Variants in TBC1D8B observed in about 807,000 individuals in gnomAD.
TBC1D8B encodes the protein RP11-321G1.1.
TBC1D8B carries 75 observed loss-of-function variants against 82.9 expected under a neutral mutation model. The ratio of observed to expected loss-of-function variants is 0.90; its 90% CI spans 0.75 to 1.10. The LOEUF is 1.10. Ranked by LOEUF, TBC1D8B falls within the 50% of genes least tolerant of loss-of-function variation. The pLI, the probability that TBC1D8B is intolerant of heterozygous loss-of-function variation, is 0.00. For synonymous variants in TBC1D8B, 276 were observed against 276.8 expected (o/e 1.00, Z 0.03); for missense variants, 794 against 796.9 (o/e 1.00, Z 0.04).
intron 14 of TBC1D8B, among the ~76,000 whole-genome samples, chrX:106,861,078 G>T (rs1161785762): frequency 8.9e-6 from 1 of 111,929 alleles, no homozygotes; most frequent in Non-Finnish European, 1.9e-5. Context: ...TTATGCTATG[G>T]TCCAAAGAGT....
chrX:106,858,274 T>A (rs1932735998), intron 14 of TBC1D8B, among the ~76,000 whole-genome samples: 1 of 111,384 alleles, frequency 9.0e-6, no homozygotes, highest in Non-Finnish European at 1.9e-5. Context: ...TTGGGTTTTG[T>A]TTTTTGTTTT....
intron 14 of TBC1D8B, among the ~76,000 whole-genome samples, chrX:106,862,035 T>C (rs140260020): frequency 0.013 from 1,435 of 112,122 alleles, 23 homozygotes; most frequent in African/African-American, 0.045. Context: ...TTGGCTGGAG[T>C]TTCTTTTCTT....
At chrX:106,839,844 A>G (rs891234838) in intron 8 of TBC1D8B, among the ~76,000 whole-genome samples, 1 of 112,274 alleles carries the variant, frequency 8.9e-6, no homozygotes, top group East Asian at 2.8e-4. Context: ...AAAATAGTAA[A>G]TTAAGCTGCT....
intron 14 of TBC1D8B, among the ~76,000 whole-genome samples, chrX:106,865,057 A>C: frequency 9.0e-6 from 1 of 111,581 alleles, no homozygotes; most frequent in Non-Finnish European, 1.9e-5. Context: ...TAATGATTGT[A>C]TCATTAGTCC....
At chrX:106,828,887 C>T (rs1163458143) in intron 7 of TBC1D8B, 1 of 107,607 alleles carries the variant, frequency 9.3e-6, no homozygotes, top group Non-Finnish European at 1.9e-5. Context: ...TGGCACAAGA[C>T]AGGGATGCCC....
intron 1 of TBC1D8B, among the ~76,000 whole-genome samples, chrX:106,809,438 G>A (rs1931292816): frequency 9.0e-6 from 1 of 111,638 alleles, no homozygotes; most frequent in Non-Finnish European, 1.9e-5. Context: ...ACAGAGACTT[G>A]TGGTACTAGA....
Position 106,874,079 on chromosome X carries a change from A to G in TBC1D8B, c.*114A>G. ...CTTGTTACCAATGTGTCTGAAGGCCAAAATATATATCCAGAAGCACAATGC... is the reference window on the plus strand; with the variant it reads ...CTTGTTACCAATGTGTCTGAAGGCCGAAATATATATCCAGAAGCACAATGC... On this transcript the variant is annotated 3_prime_UTR_variant, in exon 21 of 21. Coordinates refer to ENST00000357242, the MANE Select transcript of TBC1D8B (RefSeq NM_017752.3). 1.4e-6 allele frequency: 1 copy of G among 734,895 alleles called. No homozygotes were observed. The allele number at this position is 734,895 out of a possible 1,213,427, so 60.6% of individuals were successfully genotyped here.
intron 7 of TBC1D8B, among the ~76,000 whole-genome samples, chrX:106,833,756 AT>A (rs1252175712): frequency 9.0e-6 from 1 of 110,795 alleles, no homozygotes; most frequent in Admixed American, 9.6e-5. Flanking sequence ...TTAAGAGGTT[AT>A]TTTTTTCCCT....
At chrX:106,854,677 C>T (rs1012486788) in intron 14 of TBC1D8B, among the ~76,000 whole-genome samples, 4 of 109,735 alleles carry the variant, frequency 3.6e-5, no homozygotes, top group Non-Finnish European at 1.9e-5. Flanking sequence ...CCATGCCTGG[C>T]TAATTTTTAA....
chrX:106,849,204 T>C lies in TBC1D8B; in HGVS notation c.1838-821T>C, dbSNP rs370040635. 9.0e-6 allele frequency: 10 copies of C among 1,110,191 alleles called. No homozygotes were observed. The African/African-American group carries it at 1.8e-4, about 20-fold the overall frequency. 91.5% of individuals were successfully genotyped at this position (1,110,191 alleles called of 1,213,427 possible). On this transcript the variant is annotated intron_variant, in intron 11 of 20. Coordinates refer to ENST00000357242, the MANE Select transcript of TBC1D8B (RefSeq NM_017752.3). The stretch of plus-strand genomic sequence containing the variant: ...AGGTCATCGATTTTACTGTCTTTCA[T>C]TATAATTATTTGTGTATTTTTTTTT...
intron 11 of TBC1D8B, 42 bp from the exon 12 acceptor site, chrX:106,849,983 T>C (rs1316336587): frequency 8.7e-7 from 1 of 1,143,263 alleles, no homozygotes; most frequent in African/African-American, 1.8e-5. Flanking sequence ...ACAAGTCCTT[T>C]TGAAAAATGT....
chrX:106,804,837 C>G (rs73247961), intron 1 of TBC1D8B, among the ~76,000 whole-genome samples: 1 of 109,082 alleles, frequency 9.2e-6, no homozygotes, highest in Non-Finnish European at 1.9e-5. Flanking sequence ...TACAGTGAGC[C>G]GTAATAGGGC....
chrX:106,840,910 G>C (rs765339654), intron 10 of TBC1D8B, 26 bp downstream of exon 10: 1 of 1,151,361 alleles, frequency 8.7e-7, no homozygotes. Context: ...GAGCCCAACT[G>C]TGTGTATGTT....
chrX:106,854,219 G>C lies in TBC1D8B; in HGVS notation c.2275G>C (p.Glu759Gln). 1 of 1,175,824 alleles carries C rather than the reference G, an allele frequency of 8.5e-7. No individual in the cohort carries two copies. Among genetic ancestry groups the C allele is most frequent in the Non-Finnish European group, 1.1e-6 (1 of 880,168 alleles). The stretch of plus-strand genomic sequence containing the variant: ...GCAGAAATATGGTAATATTCGCTAT[G>C]AAGATATACATAGTATGCGCTGTCG... ...SNEKYGNIRY[E>Q]DIHSMRCRNR... The change falls in exon 14 of 21, where the codon GAA becomes CAA. Residue 759 changes from glutamate (E) to glutamine (Q), a missense_variant. Transcript: ENST00000357242.
At position 106,823,224 on chromosome X, in the gene TBC1D8B, A is replaced by G; in HGVS notation, c.587-2A>G. 5 of 1,205,004 alleles carry G rather than the reference A, an allele frequency of 4.1e-6. No individual in the cohort carries two copies. The highest frequency in any genetic ancestry group is 5.6e-6 in the Non-Finnish European group (5 of 890,890). On this transcript the variant is annotated splice_acceptor_variant, in intron 4 of 20. Coordinates refer to ENST00000357242, the MANE Select transcript of TBC1D8B (RefSeq NM_017752.3). LOFTEE classifies it high-confidence loss of function. Reference sequence around the variant, plus strand: ...ATACCTGCTTATACCTCTTATTTGCAGTAAAACTCATTATCTCCTGGGATG... The same window carrying G: ...ATACCTGCTTATACCTCTTATTTGCGGTAAAACTCATTATCTCCTGGGATG...
At chrX:106,867,931 T>C (rs1258632262) in intron 17 of TBC1D8B, among the ~76,000 whole-genome samples, 1 of 111,445 alleles carries the variant, frequency 9.0e-6, no homozygotes, top group Non-Finnish European at 1.9e-5. Flanking sequence ...TCATCAACTA[T>C]GCTTTTAACA....
intron 14 of TBC1D8B, among the ~76,000 whole-genome samples, chrX:106,864,484 T>A (rs1317227612): frequency 9.3e-6 from 1 of 107,210 alleles, no homozygotes; most frequent in Non-Finnish European, 1.9e-5. Flanking sequence ...TTCTAGTTTG[T>A]CATATTGGCC....
At position 106,850,103 on chromosome X, in the gene TBC1D8B, T is replaced by C. The variant is rs774198715; in HGVS notation, c.1916T>C (p.Met639Thr). The change falls in exon 12 of 21, where the codon ATG (methionine) becomes ACG (threonine). Residue 639 changes from methionine (M) to threonine (T), a missense_variant. By Grantham distance (81) the Met-to-Thr change is moderately conservative (BLOSUM62 -1). Coordinates refer to ENST00000357242, the MANE Select transcript of TBC1D8B (RefSeq NM_017752.3). Reference sequence around the variant, plus strand: ...CAGCTGACAGAACACATGACTGATATGACATTCTTTTCCTCAGTTTCTCTC... The same window carrying C: ...CAGCTGACAGAACACATGACTGATACGACATTCTTTTCCTCAGTTTCTCTC... ...LPQLTEHMTD[M>T]TFFSSVSLSW... The C allele has an allele frequency of 7.8e-5, 94 of 1,209,966 alleles. No individual in the cohort carries two copies. Among genetic ancestry groups the C allele is most frequent in the Non-Finnish European group, 1.0e-4 (90 of 895,016 alleles).
chrX:106,807,590 C>A (rs1315532929), intron 1 of TBC1D8B, among the ~76,000 whole-genome samples: 1 of 109,388 alleles, frequency 9.1e-6, no homozygotes, highest in Non-Finnish European at 1.9e-5. Flanking sequence ...CATTGACCGT[C>A]CTTTATTTCT....
Sources: allele counts gnomAD v4.1 joint callset (sites outside exome capture counted in the v4.1 genomes callset), GRCh38; gene constraint gnomAD v4.1.1; transcripts MANE v1.5; gene names NCBI Gene and HGNC (gene_info 2026-07-23, HGNC 2026-07-21).